Variants in STAU2 observed in about 807,000 individuals in gnomAD.
STAU2 encodes double-stranded RNA-binding protein Staufen homolog 2.
STAU2 carries 20 observed loss-of-function variants against 65.9 expected under a neutral mutation model. That is an observed-to-expected ratio of 0.30 (90% CI 0.21 to 0.44). The LOEUF (loss-of-function observed/expected upper bound fraction) is 0.44, where lower values mean the gene tolerates loss of function less well. Ranked by LOEUF, STAU2 falls within the 20% of genes least tolerant of loss-of-function variation. The pLI, the probability that STAU2 is intolerant of heterozygous loss-of-function variation, is 1.00. For missense variants in STAU2, 558 were observed against 683.9 expected (o/e 0.82, Z 2.05); for synonymous variants, 232 against 233.9 (o/e 0.99, Z 0.07).
chr8:73,690,691 G>A (rs148078489), intron 4 of STAU2, among the ~76,000 whole-genome samples: 1 of 152,044 alleles, frequency 6.6e-6, no homozygotes, highest in African/African-American at 2.4e-5. Flanking sequence ...ATAAATTAAC[G>A]ATCGGTGAAT....
chr8:73,576,060 G>A (rs992515488), intron 12 of STAU2, among the ~76,000 whole-genome samples: 7 of 152,020 alleles, frequency 4.6e-5, no homozygotes, highest in African/African-American at 1.4e-4. Flanking sequence ...GTTACAGCAT[G>A]GAAAATTAGA....
At chr8:73,556,297 A>G (rs575099040) in intron 12 of STAU2, among the ~76,000 whole-genome samples, 2 of 152,342 alleles carry the variant, frequency 1.3e-5, no homozygotes, top group African/African-American at 2.4e-5. Flanking sequence ...CCTTATTCAC[A>G]TGAAAATTTA....
chr8:73,714,480 A>T (rs192525178), intron 3 of STAU2, among the ~76,000 whole-genome samples: 11 of 152,334 alleles, frequency 7.2e-5, no homozygotes, highest in Admixed American at 2.6e-4. Context: ...CATTTTTAAC[A>T]GTCTGTCCAT....
chr8:73,599,672 T>C (rs1011875363), intron 10 of STAU2, among the ~76,000 whole-genome samples: 5 of 152,344 alleles, frequency 3.3e-5, no homozygotes, highest in East Asian at 3.9e-4. Flanking sequence ...TCCCAGAACA[T>C]ACAGATTCCC....
chr8:73,732,993 C>T (rs1010848865), intron 3 of STAU2: 2 of 151,484 alleles, frequency 1.3e-5, no homozygotes, highest in African/African-American at 4.9e-5. Flanking sequence ...GACTTTGTTT[C>T]TTGGTAGTCA....
intron 13 of STAU2, among the ~76,000 whole-genome samples, chr8:73,470,120 TCTTTA>T (rs1299992763): frequency 6.6e-6 from 1 of 152,152 alleles, no homozygotes; most frequent in Non-Finnish European, 1.5e-5. Context: ...GATCAACTCT[TCTTTA>T]CACTAGTGAA....
chr8:73,545,736 C>T (rs1806870475), intron 13 of STAU2, among the ~76,000 whole-genome samples: 1 of 151,696 alleles, frequency 6.6e-6, no homozygotes, highest in Non-Finnish European at 1.5e-5. Context: ...CAAGCTCCGC[C>T]TCTTGGGTTC....
intron 12 of STAU2, among the ~76,000 whole-genome samples, chr8:73,553,118 AT>A (rs938401737): frequency 6.6e-6 from 1 of 152,240 alleles, no homozygotes; most frequent in African/African-American, 2.4e-5. Flanking sequence ...CTTAAACCAT[AT>A]TAGAGAAGCA....
Position 73,490,199 on chromosome 8 carries a change from G to A in STAU2, c.1530+61813C>T, listed in dbSNP as rs1022327890. Among the ~76,000 whole-genome samples the A allele has an allele frequency of 3.3e-5, 5 of 151,984 alleles. No individual in the cohort carries two copies. In the East Asian group the frequency reaches 5.8e-4, roughly 18 times the overall value. ...GTTCGTGTAAATGACAGCAAGGGGA[G>A]CTTCGCATAAGATTTCACTTCTGTT... On this transcript the variant is annotated intron_variant, in intron 13 of 14. Coordinates refer to ENST00000524300, the MANE Select transcript of STAU2 (RefSeq NM_001164380.2).
intron 12 of STAU2, among the ~76,000 whole-genome samples, chr8:73,565,688 C>T (rs964086317): frequency 2.0e-5 from 3 of 152,206 alleles, no homozygotes; most frequent in African/African-American, 4.8e-5. Flanking sequence ...ATTCACCCCA[C>T]ATTGAGTAAA....
intron 13 of STAU2, among the ~76,000 whole-genome samples, chr8:73,508,780 T>C (rs1038590316): frequency 6.6e-6 from 1 of 152,216 alleles, no homozygotes; most frequent in Non-Finnish European, 1.5e-5. Flanking sequence ...TCATATAGCA[T>C]GTTTTTGAAG....
chr8:73,599,881 C>T (rs1269108857), intron 10 of STAU2, among the ~76,000 whole-genome samples: 1 of 152,142 alleles, frequency 6.6e-6, no homozygotes, highest in Admixed American at 6.5e-5. Flanking sequence ...CATTCTCCTG[C>T]CTCAGCCTCC....
intron 13 of STAU2, among the ~76,000 whole-genome samples, chr8:73,471,836 A>AAAAAAAG (rs1554594418): frequency 1.4e-5 from 2 of 145,734 alleles, no homozygotes; most frequent in South Asian, 2.2e-4. Context: ...AAAAAAAAAA[A>AAAAAAAG]AGAGAGAAGA....
chr8:73,592,743 C>A (rs1290141421), intron 11 of STAU2, among the ~76,000 whole-genome samples: 2 of 152,072 alleles, frequency 1.3e-5, no homozygotes, highest in Admixed American at 6.5e-5. Context: ...ACTGTAATAC[C>A]AGCTACTCGG....
chr8:73,657,670 C>T (rs1816483456), intron 6 of STAU2, among the ~76,000 whole-genome samples: 1 of 152,036 alleles, frequency 6.6e-6, no homozygotes, highest in Non-Finnish European at 1.5e-5. Context: ...ACTTCCTTTT[C>T]TGTACTGTCT....
At chr8:73,675,396 C>CAT (rs953344416) in intron 5 of STAU2, 1 of 151,972 alleles carries the variant, frequency 6.6e-6, no homozygotes, top group African/African-American at 2.4e-5. Context: ...CACACACACA[C>CAT]ACACACAGGC....
chr8:73,548,288 T>C (rs896159634), intron 13 of STAU2, among the ~76,000 whole-genome samples: 1 of 149,770 alleles, frequency 6.7e-6, no homozygotes. Context: ...AATAGCCACC[T>C]TGATGATAAC....
At chr8:73,525,278 A>G (rs940537077) in intron 13 of STAU2, among the ~76,000 whole-genome samples, 1 of 152,216 alleles carries the variant, frequency 6.6e-6, no homozygotes, top group African/African-American at 2.4e-5. Context: ...ATTGAGTGCA[A>G]TTGACATTCA....
intron 6 of STAU2, among the ~76,000 whole-genome samples, chr8:73,654,702 T>TTTTGAGACG (rs1554556832): frequency 7.0e-6 from 1 of 143,006 alleles, no homozygotes; most frequent in Non-Finnish European, 1.5e-5. Context: ...TTTTTTTTTT[T>TTTTGAGACG]TTGAGACGGA....
Sources: allele counts gnomAD v4.1 joint callset (sites outside exome capture counted in the v4.1 genomes callset), GRCh38; gene constraint gnomAD v4.1.1; transcripts MANE v1.5; gene names NCBI Gene and HGNC (gene_info 2026-07-23, HGNC 2026-07-21).